ATAD2: variants seen among roughly 807,000 people sequenced by gnomAD.
ATAD2 encodes the protein ATPase family AAA domain containing 2.
Under a neutral mutation model 168.9 loss-of-function variants are expected in ATAD2, and 62 were observed. The ratio of observed to expected loss-of-function variants is 0.37; its 90% CI spans 0.30 to 0.45. The LOEUF (loss-of-function observed/expected upper bound fraction) is 0.45, where lower values mean the gene tolerates loss of function less well. ATAD2 is among the 20% of genes least tolerant of loss of function. The pLI is 1.00. For synonymous variants in ATAD2, 613 were observed against 571.6 expected (o/e 1.07, Z -1.03); for missense variants, 1,419 against 1,667.8 (o/e 0.85, Z 2.60).
intron 22 of ATAD2, among the ~76,000 whole-genome samples, 194 bp from the exon 23 acceptor site, chr8:123,334,516 T>C (rs889996895): frequency 3.9e-5 from 6 of 152,034 alleles, no homozygotes; most frequent in Admixed American, 2.0e-4. Flanking sequence ...TGATTCAATA[T>C]GGCAAACTAA....
intron 1 of ATAD2, among the ~76,000 whole-genome samples, chr8:123,382,375 A>G (rs536911577): frequency 1.3e-5 from 2 of 152,352 alleles, no homozygotes; most frequent in South Asian, 4.1e-4. Context: ...ATTTGTCACC[A>G]TCTTTATCAA....
intron 1 of ATAD2, among the ~76,000 whole-genome samples, chr8:123,386,628 T>G (rs1829652720): frequency 6.6e-6 from 1 of 152,136 alleles, no homozygotes; most frequent in Non-Finnish European, 1.5e-5. Context: ...CTTAATGAAC[T>G]GTAAGCTTAA....
intron 2 of ATAD2, among the ~76,000 whole-genome samples, chr8:123,379,773 T>C (rs1829437053): frequency 6.6e-6 from 1 of 151,722 alleles, no homozygotes; most frequent in African/African-American, 2.4e-5. Flanking sequence ...TTTCACCATA[T>C]TGGCCCGGCT....
At chr8:123,412,406 G>A (rs749747976) in intron 1 of ATAD2, among the ~76,000 whole-genome samples, 1 of 152,036 alleles carries the variant, frequency 6.6e-6, no homozygotes, top group Non-Finnish European at 1.5e-5. Context: ...AATCATAACT[G>A]CAAAATTATG....
chr8:123,358,711 T>C (rs968714475), intron 11 of ATAD2, among the ~76,000 whole-genome samples: 16 of 149,052 alleles, frequency 1.1e-4, no homozygotes, highest in African/African-American at 3.7e-4. Context: ...GTGATTGATA[T>C]ATGGTACATT....
chr8:123,344,234 G>A lies in ATAD2; in HGVS notation c.2718+650C>T, dbSNP rs147066410. The stretch of plus-strand genomic sequence containing the variant: ...AGTACATCAACAGTGGAAAAACCAT[G>A]CAGCTCTTAAAGAGACTTTAGCACT... On this transcript the variant is annotated intron_variant, in intron 19 of 27. Transcript: ENST00000287394. Among the ~76,000 whole-genome samples, 38 of 151,998 alleles carry A rather than the reference G, an allele frequency of 2.5e-4. 1 individual carries two copies. In the East Asian group the frequency reaches 6.8e-3, roughly 27 times the overall value.
intron 1 of ATAD2, among the ~76,000 whole-genome samples, chr8:123,389,857 G>A (rs570135931): frequency 6.8e-6 from 1 of 147,748 alleles, no homozygotes; most frequent in African/African-American, 2.5e-5. Context: ...ATCTAGTAAT[G>A]AGGATAATAA....
intron 1 of ATAD2, among the ~76,000 whole-genome samples, chr8:123,411,580 T>G (rs1813160332): frequency 6.6e-6 from 1 of 152,102 alleles, no homozygotes; most frequent in South Asian, 2.1e-4. Flanking sequence ...ACTAAAATGC[T>G]AATTAGGAAA....
intron 1 of ATAD2, among the ~76,000 whole-genome samples, chr8:123,404,146 T>C (rs1027510732): frequency 2.0e-5 from 3 of 152,218 alleles, no homozygotes; most frequent in African/African-American, 7.2e-5. Flanking sequence ...AAGGAGCATA[T>C]GGATTAAAAG....
intron 1 of ATAD2, 121 bp downstream of exon 1, chr8:123,396,066 C>A: frequency 8.6e-7 from 1 of 1,167,674 alleles, no homozygotes; most frequent in African/African-American, 1.6e-5. Flanking sequence ...CTCGACCACA[C>A]TTCTCCCCCG....
At chr8:123,401,682 G>C in intron 1 of ATAD2, 1 of 773,470 alleles carries the variant, frequency 1.3e-6, no homozygotes, top group Non-Finnish European at 2.3e-6. Context: ...CTGACTGTGG[G>C]GCACGTCAAG....
At chr8:123,413,744 A>G (rs1200181787) in intron 1 of ATAD2, among the ~76,000 whole-genome samples, 2 of 152,192 alleles carry the variant, frequency 1.3e-5, no homozygotes, top group African/African-American at 4.8e-5. Flanking sequence ...AAACAGGAAA[A>G]AAAGCTCCAG....
At chr8:123,372,715 A>G (rs1829184094) in intron 2 of ATAD2, 29 bp from the exon 3 acceptor site, 2 of 1,514,056 alleles carry the variant, frequency 1.3e-6, no homozygotes, top group Admixed American at 2.1e-5. Context: ...GATTAATTCA[A>G]AATAATTGAC....
intron 1 of ATAD2, among the ~76,000 whole-genome samples, chr8:123,384,077 C>T (rs1421928932): frequency 4.3e-5 from 6 of 140,808 alleles, no homozygotes; most frequent in Admixed American, 1.4e-4. Context: ...GAGACTCCGT[C>T]TCAAAAAAAA....
In ATAD2 at chr8:123,344,990, G is replaced by A. The variant is rs758459433; in HGVS notation, c.2612C>T (p.Pro871Leu). The change falls in exon 19 of 28, where the codon CCG (proline) becomes CTG (leucine). Residue 871 changes from proline (P) to leucine (L), a missense_variant. By Grantham distance (98) the Pro-to-Leu change is moderately conservative. This residue lies in a region of ATAD2 where 545 missense variants were observed against 724.9 expected (regional missense o/e 0.75). Coordinates refer to ENST00000287394, the MANE Select transcript of ATAD2 (RefSeq NM_014109.4). ...TGTGGTAAATGTGGCTTTAAGTGTC[G>A]GTCCAACTATTTCCCACCACACGTG... is the stretch of plus-strand genomic sequence containing the variant. The part of the protein sequence containing the change: ...HIHVWWEIVG[P>L]TLKATFTTLL... 1.8e-5 allele frequency: 29 copies of A among 1,613,870 alleles called. No individual in the cohort carries two copies. Among genetic ancestry groups the A allele is most frequent in the East Asian group, 1.3e-4 (6 of 44,864 alleles).
intron 9 of ATAD2, 79 bp downstream of exon 9, chr8:123,361,460 T>C (rs936854757): frequency 5.3e-5 from 63 of 1,183,848 alleles, no homozygotes; most frequent in Admixed American, 3.1e-4. Context: ...CCTATACTTA[T>C]ACCCAAATTA....
At position 123,389,983 on chromosome 8, in the gene ATAD2, TA is replaced by T. The variant is rs1484211532; in HGVS notation, c.171+6203del. ...TTTTATATATATATATATATATATATATTTTTTTTTTTTTAGACAGAGTCTT... is the reference window on the plus strand; with the variant it reads ...TTTTATATATATATATATATATATATTTTTTTTTTTTTTAGACAGAGTCTT... On this transcript the variant is annotated intron_variant, in intron 1 of 27. Transcript: ENST00000287394. Among the ~76,000 whole-genome samples the T allele has an allele frequency of 8.2e-5, 9 of 110,390 alleles. No homozygotes were observed. The East Asian group carries it at 8.9e-4, about 11-fold the overall frequency. 72.4% of individuals were successfully genotyped at this position (110,390 alleles called of 152,430 possible). A position where few individuals can be genotyped will look rare whatever the true frequency, so the allele number is the denominator to read the frequency against.
upstream of ATAD2, among the ~76,000 whole-genome samples, chr8:123,397,433 ACAT>A (rs1275943576): frequency 9.9e-5 from 15 of 152,182 alleles, no homozygotes; most frequent in African/African-American, 3.6e-4. Context: ...CCGTGCTTGC[ACAT>A]AATAAGTGCT....
intron 2 of ATAD2, among the ~76,000 whole-genome samples, chr8:123,377,705 C>T (rs1335519974): frequency 3.3e-5 from 5 of 152,166 alleles, no homozygotes; most frequent in African/African-American, 7.2e-5. Context: ...CTGTGTACCA[C>T]GATGGGGCAA....
Sources: gnomAD v4.1 joint callset for allele counts (sites outside exome capture counted in the v4.1 genomes callset) on GRCh38, gnomAD v4.1.1 for gene constraint, gnomAD v4.1.1 regional missense constraint, MANE v1.5 for transcripts, NCBI Gene and HGNC (gene_info 2026-07-23, HGNC 2026-07-21) for gene names.